The following GABRG3 variants were observed in gnomAD, a reference collection of about 807,000 sequenced individuals.
GABRG3 encodes the protein gamma-aminobutyric acid receptor subunit gamma-3.
GABRG3 carries 25 observed loss-of-function variants against 48.8 expected under a neutral mutation model. The observed-to-expected ratio is 0.51, with a 90% confidence interval of 0.37 to 0.72. The LOEUF (loss-of-function observed/expected upper bound fraction) is 0.72, where lower values mean the gene tolerates loss of function less well. GABRG3 is among the 30% of genes least tolerant of loss of function. The pLI, the probability that GABRG3 is intolerant of heterozygous loss-of-function variation, is 0.00. For missense variants in GABRG3, 394 were observed against 577.9 expected (o/e 0.68, Z 3.26); for synonymous variants, 227 against 217.6 (o/e 1.04, Z -0.38).
intron 6 of GABRG3, among the ~76,000 whole-genome samples, chr15:27,496,116 A>T (rs547829858): frequency 4.5e-4 from 68 of 152,250 alleles, no homozygotes; most frequent in African/African-American, 1.5e-3. Context: ...GCCTCTGCTG[A>T]TGCCACTCTG....
chr15:27,502,022 A>G (rs1890653424), intron 6 of GABRG3, among the ~76,000 whole-genome samples: 1 of 152,192 alleles, frequency 6.6e-6, no homozygotes, highest in Non-Finnish European at 1.5e-5. Context: ...GAGTCCTCCC[A>G]GGACTGAAGC....
chr15:27,459,523 G>A (rs565003090), intron 5 of GABRG3, among the ~76,000 whole-genome samples: 12 of 152,236 alleles, frequency 7.9e-5, no homozygotes, highest in African/African-American at 2.9e-4. Flanking sequence ...CTCATATTAA[G>A]TGTTCTTACT....
intron 3 of GABRG3, among the ~76,000 whole-genome samples, chr15:27,290,957 T>C (rs147804603): frequency 6.6e-6 from 1 of 152,326 alleles, no homozygotes; most frequent in East Asian, 1.9e-4. Flanking sequence ...TTTCTGTAAA[T>C]CTAAAACTCT....
chr15:27,001,888 G>GTTTTT (rs60516105), intron 2 of GABRG3, among the ~76,000 whole-genome samples: 10 of 121,210 alleles, frequency 8.3e-5, no homozygotes, highest in Admixed American at 3.4e-4. Flanking sequence ...CCATAACTCA[G>GTTTTT]TTTTTTTTTT....
At chr15:27,308,219 T>A (rs1356078155) in intron 3 of GABRG3, among the ~76,000 whole-genome samples, 2 of 43,092 alleles carry the variant, frequency 4.6e-5, no homozygotes, top group Non-Finnish European at 1.0e-4. Flanking sequence ...CAAACATATA[T>A]AAACATGTTT....
At position 27,527,993 on chromosome 15, in the gene GABRG3, G is replaced by T. The variant is rs1449862501; in HGVS notation, c.1122+1G>T. On this transcript the variant is annotated splice_donor_variant, in intron 9 of 9. Transcript: ENST00000615808. LOFTEE classifies it high-confidence loss of function. ...GCGAATAAGCCTACAAGCCCCTTCC[G>T]TACGTATAGCATTGCAGGTGCCAAT... 2 of 1,592,880 alleles carry T rather than the reference G, an allele frequency of 1.3e-6. No individual in the cohort carries two copies. Among genetic ancestry groups the T allele is most frequent in the African/African-American group, 1.3e-5 (1 of 74,630 alleles).
chr15:27,243,946 A>C (rs915668615), intron 3 of GABRG3, among the ~76,000 whole-genome samples: 1 of 152,174 alleles, frequency 6.6e-6, no homozygotes, highest in Admixed American at 6.5e-5. Flanking sequence ...CCATGGGGTT[A>C]AGGAAAGTAG....
chr15:27,307,327 A>G (rs1892621462), intron 3 of GABRG3, among the ~76,000 whole-genome samples: 1 of 140,688 alleles, frequency 7.1e-6, no homozygotes, highest in African/African-American at 2.6e-5. Context: ...ATATATGTTT[A>G]TATATAACCA....
intron 3 of GABRG3, among the ~76,000 whole-genome samples, chr15:27,073,998 C>T (rs1313451301): frequency 6.6e-6 from 1 of 152,118 alleles, no homozygotes; most frequent in African/African-American, 2.4e-5. Flanking sequence ...GCTGGGGAAG[C>T]CTCACAATCA....
chr15:27,228,510 G>C (rs1337129060), intron 3 of GABRG3, among the ~76,000 whole-genome samples: 10 of 152,204 alleles, frequency 6.6e-5, no homozygotes, highest in African/African-American at 2.2e-4. Context: ...ATTGTGAACA[G>C]CGCTGCAATG....
chr15:27,162,618 G>C (rs1887233048), intron 3 of GABRG3, among the ~76,000 whole-genome samples: 1 of 152,048 alleles, frequency 6.6e-6, no homozygotes, highest in South Asian at 2.1e-4. Flanking sequence ...GGAGTACCTA[G>C]GGTTTGCTAG....
At chr15:27,212,389 G>T (rs1889105901) in intron 3 of GABRG3, among the ~76,000 whole-genome samples, 1 of 152,188 alleles carries the variant, frequency 6.6e-6, no homozygotes, top group African/African-American at 2.4e-5. Flanking sequence ...AATGATAGTT[G>T]AAGTCTTGGC....
chr15:27,271,976 C>T (rs1285610685), intron 3 of GABRG3, among the ~76,000 whole-genome samples: 1 of 152,276 alleles, frequency 6.6e-6, no homozygotes, highest in East Asian at 1.9e-4. Flanking sequence ...TTCCGCTTCC[C>T]TCTGACTCTC....
intron 3 of GABRG3, among the ~76,000 whole-genome samples, chr15:27,065,464 G>A (rs926476612): frequency 6.6e-6 from 1 of 152,156 alleles, no homozygotes; most frequent in Admixed American, 6.5e-5. Context: ...TGAGGACACA[G>A]CAGCCCAATT....
At chr15:27,117,794 G>A (rs1280895083) in intron 3 of GABRG3, among the ~76,000 whole-genome samples, 1 of 152,170 alleles carries the variant, frequency 6.6e-6, no homozygotes, top group Non-Finnish European at 1.5e-5. Context: ...GCTGATAAGT[G>A]CTGCTGTGTC....
intron 5 of GABRG3, among the ~76,000 whole-genome samples, chr15:27,359,800 G>A (rs761322925): frequency 2.1e-4 from 32 of 152,204 alleles, no homozygotes; most frequent in Non-Finnish European, 4.3e-4. Context: ...CAGATTCAAA[G>A]CAGAAGCTTA....
intron 5 of GABRG3, among the ~76,000 whole-genome samples, chr15:27,409,365 A>G (rs1887731926): frequency 1.3e-5 from 2 of 152,064 alleles, no homozygotes; most frequent in South Asian, 4.1e-4. Context: ...TCCTCCATTG[A>G]CTTGGTTTTG....
intron 2 of GABRG3, among the ~76,000 whole-genome samples, chr15:27,004,905 T>C (rs1895553036): frequency 6.6e-6 from 1 of 152,176 alleles, no homozygotes; most frequent in African/African-American, 2.4e-5. Context: ...GGGCTGGACA[T>C]ACCTAATATG....
chr15:27,323,895 G>A (rs1893515999), intron 3 of GABRG3, among the ~76,000 whole-genome samples: 1 of 152,138 alleles, frequency 6.6e-6, no homozygotes, highest in Non-Finnish European at 1.5e-5. Flanking sequence ...CAGTCTCTCA[G>A]GGCCTGAATG....
Sources: allele counts gnomAD v4.1 joint callset (sites outside exome capture counted in the v4.1 genomes callset), GRCh38; gene constraint gnomAD v4.1.1; transcripts MANE v1.5; gene names NCBI Gene and HGNC (gene_info 2026-07-23, HGNC 2026-07-21).